KAZN: variants seen among roughly 807,000 people sequenced by gnomAD.
KAZN encodes the protein kazrin, periplakin interacting protein, also known as kazrin.
Under a neutral mutation model 87.4 loss-of-function variants are expected in KAZN, and 40 were observed. The ratio of observed to expected loss-of-function variants is 0.46; its 90% CI spans 0.36 to 0.60. The LOEUF (loss-of-function observed/expected upper bound fraction) is 0.60, where lower values mean the gene tolerates loss of function less well. Ranked by LOEUF, KAZN falls within the 20% of genes least tolerant of loss-of-function variation. The probability of loss-of-function intolerance (pLI) is 0.00; values close to 1 mark genes in which losing one functional copy is unlikely to be tolerated. For synonymous variants in KAZN, 466 were observed against 458.3 expected, an observed-to-expected ratio of 1.02 and a Z score of -0.22; for missense variants, 898 against 1,073.9, an observed-to-expected ratio of 0.84 and a Z score of 2.29.
chr1:14,429,795 G>T (rs578142092), intron 2 of KAZN, among the ~76,000 whole-genome samples: 9 of 152,242 alleles, frequency 5.9e-5, no homozygotes, highest in African/African-American at 1.7e-4. Flanking sequence ...CGACGTCATC[G>T]TTCCTATTGA....
At chr1:14,656,740 A>G (rs1638817572) in intron 1 of KAZN, among the ~76,000 whole-genome samples, 1 of 152,210 alleles carries the variant, frequency 6.6e-6, no homozygotes, top group Non-Finnish European at 1.5e-5. Context: ...AGATCTCGTG[A>G]GAGCTCACTC....
At chr1:14,868,671 G>A (rs1210386994) in intron 1 of KAZN, among the ~76,000 whole-genome samples, 1 of 151,764 alleles carries the variant, frequency 6.6e-6, no homozygotes, top group Non-Finnish European at 1.5e-5. Context: ...ATCTCTGCAT[G>A]TCCTTCCAGA....
At chr1:15,047,128 T>C (rs1297772859) in intron 4 of KAZN, among the ~76,000 whole-genome samples, 1 of 152,218 alleles carries the variant, frequency 6.6e-6, no homozygotes, top group Non-Finnish European at 1.5e-5. Flanking sequence ...GATTGGTTTA[T>C]GTTCATGTTA....
chr1:15,004,946 T>A (rs1224148765), intron 2 of KAZN, among the ~76,000 whole-genome samples: 1 of 152,190 alleles, frequency 6.6e-6, no homozygotes, highest in African/African-American at 2.4e-5. Context: ...GAGAATCGAC[T>A]TTTTATGATT....
At chr1:15,067,310 C>CA in intron 8 of KAZN, 1 of 985,522 alleles carries the variant, frequency 1.0e-6, no homozygotes, top group African/African-American at 1.7e-5. Flanking sequence ...CTTGTCACAG[C>CA]AGCCTGAGCC....
intron 5 of KAZN, among the ~76,000 whole-genome samples, chr1:15,059,641 T>C (rs1638610915): frequency 6.6e-6 from 1 of 152,084 alleles, no homozygotes; most frequent in Admixed American, 6.6e-5. Context: ...GAGCTGCTGC[T>C]GCCGATTGGA....
intron 1 of KAZN, among the ~76,000 whole-genome samples, chr1:13,962,507 A>G (rs1004120780): frequency 2.6e-5 from 4 of 151,964 alleles, no homozygotes; most frequent in African/African-American, 9.7e-5. Context: ...CACTTGCATC[A>G]TTTCTTGTTT....
At chr1:14,579,899 G>GC (rs750412060) in intron 2 of KAZN, among the ~76,000 whole-genome samples, 17 of 151,550 alleles carry the variant, frequency 1.1e-4, no homozygotes, top group Non-Finnish European at 2.2e-4. Flanking sequence ...GTGTGAGGCT[G>GC]CCCGCTGCCT....
intron 2 of KAZN, among the ~76,000 whole-genome samples, chr1:14,420,548 C>T (rs1376193778): frequency 6.6e-6 from 1 of 152,200 alleles, no homozygotes. Flanking sequence ...TGCCGCGGAG[C>T]AAGGGGTGCG....
At chr1:14,855,027 T>C (rs562002895) in intron 1 of KAZN, among the ~76,000 whole-genome samples, 26 of 152,080 alleles carry the variant, frequency 1.7e-4, no homozygotes, top group Admixed American at 1.1e-3. Context: ...CAGGTGCAAT[T>C]ATTCCAGAAA....
chr1:14,411,901 A>C (rs1352117797), intron 2 of KAZN, among the ~76,000 whole-genome samples: 3 of 152,234 alleles, frequency 2.0e-5, no homozygotes, highest in African/African-American at 7.2e-5. Flanking sequence ...GATTAATTTT[A>C]AATTGTATAA....
chr1:15,040,479 C>A (rs766848642), intron 3 of KAZN, among the ~76,000 whole-genome samples: 1 of 152,136 alleles, frequency 6.6e-6, no homozygotes, highest in Non-Finnish European at 1.5e-5. Flanking sequence ...CAGAATGTGG[C>A]CGATGACCCA....
rs117155944 is a variant in KAZN at position 14,962,476 on chromosome 1, C to T, written c.418+1601C>T. Reference sequence around the variant, plus strand: ...CGTACTTTTCCTCTATGCAGCCACCCGGCAGTCTAGGCAGATCTGTGTGAG... The same window carrying T: ...CGTACTTTTCCTCTATGCAGCCACCTGGCAGTCTAGGCAGATCTGTGTGAG... On this transcript the variant is annotated intron_variant, in intron 2 of 14. Transcript: ENST00000376030. Among the ~76,000 whole-genome samples the T allele has an allele frequency of 7.2e-5, 11 of 152,256 alleles. No homozygotes were observed. The East Asian group carries it at 2.1e-3, about 29-fold the overall frequency.
At chr1:14,905,694 A>G (rs1384642948) in intron 1 of KAZN, among the ~76,000 whole-genome samples, 1 of 151,054 alleles carries the variant, frequency 6.6e-6, no homozygotes, top group East Asian at 2.0e-4. Flanking sequence ...AAATACAAAA[A>G]TTAGCTGGGC....
At chr1:14,063,425 CA>C (rs1324377305) in intron 1 of KAZN, among the ~76,000 whole-genome samples, 1 of 152,114 alleles carries the variant, frequency 6.6e-6, no homozygotes, top group Non-Finnish European at 1.5e-5. Flanking sequence ...TCCATTTATT[CA>C]AAATGGAGAT....
intron 1 of KAZN, among the ~76,000 whole-genome samples, chr1:14,068,808 T>G (rs1018862416): frequency 6.6e-6 from 1 of 151,744 alleles, no homozygotes; most frequent in African/African-American, 2.4e-5. Context: ...TCTTTTTTTT[T>G]TTTTTTTTGA....
intron 1 of KAZN, among the ~76,000 whole-genome samples, chr1:14,912,302 C>A (rs1657340657): frequency 6.6e-6 from 1 of 152,104 alleles, no homozygotes; most frequent in Non-Finnish European, 1.5e-5. Flanking sequence ...AGATAACAGA[C>A]AGAAAGATGG....
At chr1:14,663,116 G>A (rs1019230884) in intron 1 of KAZN, among the ~76,000 whole-genome samples, 2 of 151,674 alleles carry the variant, frequency 1.3e-5, no homozygotes, top group Admixed American at 6.6e-5. Context: ...AACAGCAGGC[G>A]TGCATCACCA....
chr1:14,239,143 C>G (rs557598381), intron 2 of KAZN, among the ~76,000 whole-genome samples: 2 of 152,332 alleles, frequency 1.3e-5, no homozygotes, highest in East Asian at 1.9e-4. Context: ...AAAACCTCCC[C>G]TCATTTTCCG....
Sources: allele counts gnomAD v4.1 joint callset (sites outside exome capture counted in the v4.1 genomes callset), GRCh38; gene constraint gnomAD v4.1.1; transcripts MANE v1.5; gene names NCBI Gene and HGNC (gene_info 2026-07-23, HGNC 2026-07-21).